The following ATG4A variants were observed in gnomAD, a reference collection of about 807,000 sequenced individuals.
ATG4A encodes autophagy related 4A cysteine peptidase.
A neutral mutation model predicts 38.4 loss-of-function variants in ATG4A; 22 were observed. The ratio of observed to expected loss-of-function variants is 0.57; its 90% CI spans 0.41 to 0.82. ATG4A has a LOEUF of 0.82. Among genes scored for constraint, ATG4A ranks in the 40% least tolerant of loss-of-function variants. The pLI, the probability that ATG4A is intolerant of heterozygous loss-of-function variation, is 0.00. For missense variants in ATG4A, 220 were observed against 290.0 expected (o/e 0.76, Z 1.75); for synonymous variants, 86 against 100.7 (o/e 0.85, Z 0.88).
intron 2 of ATG4A, chrX:108,126,962 C>T (rs1422030617): frequency 1.0e-5 from 3 of 286,946 alleles, no homozygotes; most frequent in Non-Finnish European, 2.0e-5. Flanking sequence ...GATGAAAAGG[C>T]AGGAGAGGAA....
At chrX:108,099,392 A>G (rs1164823530) in intron 1 of ATG4A, among the ~76,000 whole-genome samples, 1 of 111,419 alleles carries the variant, frequency 9.0e-6, no homozygotes, top group Non-Finnish European at 1.9e-5. Flanking sequence ...TATTCTAGAT[A>G]CCAGTTCTTT....
chrX:108,113,624 T>G (rs1171505250), intron 1 of ATG4A, among the ~76,000 whole-genome samples: 1 of 110,914 alleles, frequency 9.0e-6, no homozygotes, highest in Non-Finnish European at 1.9e-5. Context: ...AAAAACAGGT[T>G]TAATTGGACT....
intron 1 of ATG4A, among the ~76,000 whole-genome samples, chrX:108,097,627 T>C (rs2031868047): frequency 8.9e-6 from 1 of 112,211 alleles, no homozygotes; most frequent in Admixed American, 9.4e-5. Context: ...TCCCCCCACT[T>C]GTTCCTTTTT....
intron 1 of ATG4A, among the ~76,000 whole-genome samples, chrX:108,122,500 C>T (rs2032681908): frequency 1.8e-5 from 2 of 111,793 alleles, no homozygotes; most frequent in African/African-American, 6.5e-5. Context: ...ATTCCCATCC[C>T]TTTCTCCCTG....
At chrX:108,094,737 A>G (rs1465492729) in intron 1 of ATG4A, among the ~76,000 whole-genome samples, 1 of 112,220 alleles carries the variant, frequency 8.9e-6, no homozygotes, top group Non-Finnish European at 1.9e-5. Flanking sequence ...TTCTTCTCTT[A>G]ATAGTGCCTT....
At position 108,138,196 on chromosome X, in the gene ATG4A, G is replaced by C; in HGVS notation, c.814+5G>C. 8.3e-7 allele frequency: 1 copy of C among 1,203,684 alleles called. No individual in the cohort carries two copies. Among genetic ancestry groups the C allele is most frequent in the East Asian group, 3.0e-5 (1 of 33,821 alleles). On this transcript the variant is annotated splice_donor_5th_base_variant and intron_variant, in intron 9 of 12. Transcript: ENST00000372232. ...ATTATTTCATAGGATTCTTAGGTAA[G>C]AAAGGAGGAATCACAAGTAAGTCAT...
intron 9 of ATG4A, among the ~76,000 whole-genome samples, chrX:108,139,494 T>C (rs181863282): frequency 1.4e-4 from 16 of 112,131 alleles, no homozygotes; most frequent in African/African-American, 3.9e-4. Context: ...GCGTGGGGAT[T>C]GCACAGCTGC....
At chrX:108,090,259 G>A (rs776506856), upstream of ATG4A, among the ~76,000 whole-genome samples, 8 of 111,743 alleles carry the variant, frequency 7.2e-5, no homozygotes, top group Non-Finnish European at 1.3e-4. Flanking sequence ...GCCCCCAACT[G>A]TCTCCCAAAT....
At chrX:108,118,936 A>T (rs2032580854) in intron 1 of ATG4A, among the ~76,000 whole-genome samples, 1 of 112,248 alleles carries the variant, frequency 8.9e-6, no homozygotes, top group African/African-American at 3.2e-5. Flanking sequence ...TGATATTATG[A>T]TGCCTTCACT....
chrX:108,147,775 G>A (rs1428087015), intron 9 of ATG4A, among the ~76,000 whole-genome samples: 2 of 109,878 alleles, frequency 1.8e-5, no homozygotes, highest in Non-Finnish European at 3.8e-5. Context: ...GATGATTCAG[G>A]TGTGTCAAAT....
At chrX:108,123,173 G>T (rs1056884740) in intron 1 of ATG4A, among the ~76,000 whole-genome samples, 2 of 111,828 alleles carry the variant, frequency 1.8e-5, no homozygotes, top group Admixed American at 9.5e-5. Context: ...AAAGTACAGT[G>T]GAACAGGGTG....
chrX:108,150,493 C>T (rs1040424190), intron 10 of ATG4A, among the ~76,000 whole-genome samples, 196 bp downstream of exon 10: 2 of 112,716 alleles, frequency 1.8e-5, no homozygotes, highest in Non-Finnish European at 3.7e-5. Context: ...CTGCCACTTA[C>T]TAACTGTATT....
intron 1 of ATG4A, among the ~76,000 whole-genome samples, chrX:108,119,512 T>C (rs2032595202): frequency 8.9e-6 from 1 of 112,185 alleles, no homozygotes; most frequent in Non-Finnish European, 1.9e-5. Context: ...TGATCTTTTC[T>C]ATTCTATTCA....
At chrX:108,108,396 G>A (rs911781611) in intron 1 of ATG4A, among the ~76,000 whole-genome samples, 4 of 108,936 alleles carry the variant, frequency 3.7e-5, no homozygotes, top group Non-Finnish European at 7.6e-5. Flanking sequence ...AATGTCCAGT[G>A]TTTTTAGATA....
intron 1 of ATG4A, among the ~76,000 whole-genome samples, chrX:108,115,813 G>T (rs2032492813): frequency 8.9e-6 from 1 of 112,255 alleles, no homozygotes; most frequent in Non-Finnish European, 1.9e-5. Context: ...ACTTAGAAAA[G>T]TCTTAATGAA....
In ATG4A at chrX:108,153,976, T is replaced by C. The variant is rs2033650046; in HGVS notation, c.*264T>C. On this transcript the variant is annotated 3_prime_UTR_variant, in exon 13 of 13. Transcript: ENST00000372232. ...GAGGAGGAGTTCATTGCTTCCCAGC[T>C]TGTGTTATATGGCTACAGCAAGTCT... is the stretch of plus-strand genomic sequence containing the variant. The C allele has an allele frequency of 3.9e-6, 1 of 253,390 alleles. No homozygotes were observed. Among genetic ancestry groups the C allele is most frequent in the Non-Finnish European group, 6.9e-6 (1 of 144,379 alleles). The allele number at this position is 253,390 out of a possible 1,213,427, so 20.9% of individuals were successfully genotyped here.
At chrX:108,131,463 T>C (rs143700481) in intron 4 of ATG4A, 105 bp downstream of exon 4, 27,334 of 785,842 alleles carry the variant, frequency 0.035, 430 homozygotes, top group Non-Finnish European at 0.045. Context: ...AGTAACAAAC[T>C]TGAGGGTCTT....
At chrX:108,152,336 C>T (rs1027529562) in intron 11 of ATG4A, among the ~76,000 whole-genome samples, 5 of 110,928 alleles carry the variant, frequency 4.5e-5, no homozygotes, top group African/African-American at 6.6e-5. Flanking sequence ...CAGGTTCAAG[C>T]GATTCTCCTC....
rs761607842 is a variant in ATG4A, at chrX:108,128,215, G to A, written c.122-566G>A. On this transcript the variant is annotated intron_variant, in intron 2 of 12. Coordinates refer to ENST00000372232, the MANE Select transcript of ATG4A (RefSeq NM_052936.5). ...GCTCACTGCAATCTCGAACTCCTGG[G>A]TTCAAGTGATCCTCATACCTCATTT... Among the ~76,000 whole-genome samples the A allele has an allele frequency of 4.5e-5, 5 of 111,368 alleles. No homozygotes were observed. The South Asian group carries it at 1.9e-3, about 43-fold the overall frequency.
Sources: allele counts gnomAD v4.1 joint callset (sites outside exome capture counted in the v4.1 genomes callset), GRCh38; gene constraint gnomAD v4.1.1; transcripts MANE v1.5; gene names NCBI Gene and HGNC (gene_info 2026-07-23, HGNC 2026-07-21).